Variants in SCAPER observed in about 807,000 individuals in gnomAD.
SCAPER encodes the protein S-phase cyclin A associated protein in the ER.
In SCAPER, 98 loss-of-function variants were observed where a neutral mutation model predicts 182.2. The ratio of observed to expected loss-of-function variants is 0.54; its 90% CI spans 0.46 to 0.64. The LOEUF is 0.64. SCAPER is among the 30% of genes least tolerant of loss of function. The probability of loss-of-function intolerance (pLI) is 0.00; values close to 1 mark genes in which losing one functional copy is unlikely to be tolerated. For missense variants in SCAPER, 1,432 were observed against 1,690.0 expected (o/e 0.85, Z 2.68); for synonymous variants, 605 against 564.6 (o/e 1.07, Z -1.01).
At chr15:76,778,558 G>A (rs529312200) in intron 8 of SCAPER, among the ~76,000 whole-genome samples, 2 of 152,050 alleles carry the variant, frequency 1.3e-5, no homozygotes, top group South Asian at 2.1e-4. Flanking sequence ...TACCTTAAAT[G>A]TAAATGTTCT....
intron 22 of SCAPER, among the ~76,000 whole-genome samples, chr15:76,574,544 C>G (rs990219021): frequency 6.6e-6 from 1 of 152,030 alleles, no homozygotes; most frequent in East Asian, 1.9e-4. Context: ...GCAATTGATG[C>G]CTTTAGTTTC....
chr15:76,899,652 C>A (rs2074644478), intron 1 of SCAPER, among the ~76,000 whole-genome samples: 1 of 152,096 alleles, frequency 6.6e-6, no homozygotes, highest in Non-Finnish European at 1.5e-5. Context: ...GCCCCTCTGC[C>A]TGGCCGCCCC....
intron 20 of SCAPER, among the ~76,000 whole-genome samples, chr15:76,673,859 A>G (rs1226193932): frequency 6.6e-6 from 1 of 152,062 alleles, no homozygotes; most frequent in Non-Finnish European, 1.5e-5. Context: ...CTCACTGAAC[A>G]AAAGATGGCA....
intron 26 of SCAPER, among the ~76,000 whole-genome samples, chr15:76,429,227 C>G (rs1212058957): frequency 1.3e-5 from 2 of 152,018 alleles, no homozygotes; most frequent in African/African-American, 4.8e-5. Flanking sequence ...ACCTCTTTTT[C>G]TTTCCAGTCT....
Position 76,351,243 on chromosome 15 carries a change from G to A in SCAPER, c.4093C>T (p.Pro1365Ser), listed in dbSNP as rs2141625036. The A allele has an allele frequency of 6.2e-7, 1 of 1,609,840 alleles. No individual in the cohort carries two copies. The highest frequency in any genetic ancestry group is 1.1e-5 in the South Asian group (1 of 89,908). The change falls in exon 31 of 32, where the codon CCC (proline) becomes TCC (serine). Residue 1365 changes from proline (P) to serine (S), a missense_variant. Pro to Ser is a moderately conservative substitution (Grantham distance 74). Coordinates refer to ENST00000563290, the MANE Select transcript of SCAPER (RefSeq NM_020843.4). ...AATTTCAATAGAGACATACCTTTGG[G>A]TTGGTAAGGCTGGTTTTCCGCTTGA... Reference protein sequence around the residue: ...PGQAENQPYQPKGKCLGSQDY... With the variant: ...PGQAENQPYQSKGKCLGSQDY...
intron 20 of SCAPER, among the ~76,000 whole-genome samples, chr15:76,695,630 T>C (rs1472724038): frequency 6.6e-6 from 1 of 151,916 alleles, no homozygotes; most frequent in East Asian, 1.9e-4. Context: ...AAAAACTGTT[T>C]AATTAAATAT....
chr15:76,472,249 T>C (rs2050243194), intron 24 of SCAPER: 7 of 556,196 alleles, frequency 1.3e-5, no homozygotes, highest in Non-Finnish European at 2.1e-5. Flanking sequence ...AGAGAGGAGG[T>C]ACCCAAAAAG....
Position 76,516,632 on chromosome 15 carries a change from G to A in SCAPER, c.2839-11658C>T, listed in dbSNP as rs1283490880. ...TCTATCATTGATGGACATTTGGGTT[G>A]GTTCCAAGTCTTTGGTATTGTGAAT... On this transcript the variant is annotated intron_variant, in intron 23 of 31. Transcript: ENST00000563290. 2.6e-5 allele frequency among the ~76,000 whole-genome samples: 4 copies of A among 152,106 alleles called. No individual in the cohort carries two copies. In the East Asian group the frequency reaches 7.7e-4, roughly 29 times the overall value.
At chr15:76,485,254 A>G (rs1162795238) in intron 24 of SCAPER, among the ~76,000 whole-genome samples, 1 of 152,196 alleles carries the variant, frequency 6.6e-6, no homozygotes, top group Non-Finnish European at 1.5e-5. Context: ...TCAAGCTAAG[A>G]GCCAAATCAG....
intron 26 of SCAPER, 24 bp from the exon 27 acceptor site, chr15:76,404,703 G>A (rs779408793): frequency 1.2e-6 from 2 of 1,603,260 alleles, no homozygotes; most frequent in Non-Finnish European, 8.5e-7. Flanking sequence ...AGAAATGCAT[G>A]TTATCAATCT....
At chr15:76,536,924 C>G (rs1299687316) in intron 23 of SCAPER, among the ~76,000 whole-genome samples, 1 of 151,394 alleles carries the variant, frequency 6.6e-6, no homozygotes, top group Non-Finnish European at 1.5e-5. Flanking sequence ...ACACCAATAA[C>G]AGACAAACAG....
At chr15:76,671,270 C>T (rs1481968241) in intron 20 of SCAPER, among the ~76,000 whole-genome samples, 1 of 151,984 alleles carries the variant, frequency 6.6e-6, no homozygotes, top group Non-Finnish European at 1.5e-5. Flanking sequence ...GAAGTTGAGG[C>T]AACAGTGAGC....
Position 76,743,896 on chromosome 15 carries a change from A to C in SCAPER, c.1866+9912T>G, listed in dbSNP as rs1002163457. ...ATTACCCGACTTCCAACTATGCCAC[A>C]AGGCTACAGTAAACAAAACAGCATG... On this transcript the variant is annotated intron_variant, in intron 15 of 31. Transcript: ENST00000563290. Among the ~76,000 whole-genome samples the C allele has an allele frequency of 5.3e-5, 8 of 152,202 alleles. No homozygotes were observed. In the South Asian group the frequency reaches 1.7e-3, roughly 31 times the overall value.
intron 25 of SCAPER, among the ~76,000 whole-genome samples, chr15:76,459,543 G>GTCTT (rs2048994614): frequency 6.9e-6 from 1 of 143,996 alleles, no homozygotes; most frequent in African/African-American, 2.5e-5. Context: ...AATTATTAGG[G>GTCTT]TTTTTTTTTT....
intron 2 of SCAPER, among the ~76,000 whole-genome samples, chr15:76,873,172 A>G (rs536151814): frequency 2.0e-5 from 3 of 151,920 alleles, no homozygotes; most frequent in East Asian, 1.9e-4. Context: ...GATTACCTGA[A>G]ACCAGGAGTT....
rs543219917 is a variant in SCAPER at position 76,424,373 on chromosome 15, C to T, written c.3311+9705G>A. ...AATTGATCCCTTTACCATTATGTAA[C>T]GGCCTTCTTTGTCTCTTTTGATCTT... On this transcript the variant is annotated intron_variant, in intron 26 of 31. Coordinates refer to ENST00000563290, the MANE Select transcript of SCAPER (RefSeq NM_020843.4). 1.3e-3 allele frequency among the ~76,000 whole-genome samples: 191 copies of T among 152,184 alleles called. 3 individuals are homozygous for T. The highest frequency in any genetic ancestry group is 3.9e-3 in the African/African-American group (164 of 41,542).
intron 22 of SCAPER, among the ~76,000 whole-genome samples, chr15:76,612,179 A>C (rs1358370590): frequency 6.6e-6 from 1 of 152,194 alleles, no homozygotes. Flanking sequence ...AGATAACATG[A>C]TCCTGTATTT....
intron 20 of SCAPER, among the ~76,000 whole-genome samples, chr15:76,683,668 C>T (rs2057863713): frequency 6.6e-6 from 1 of 151,954 alleles, no homozygotes; most frequent in African/African-American, 2.4e-5. Flanking sequence ...AAAGAAGGCA[C>T]AGATCACTTA....
chr15:76,679,307 T>C (rs981526390), intron 20 of SCAPER, among the ~76,000 whole-genome samples: 1 of 152,128 alleles, frequency 6.6e-6, no homozygotes, highest in Admixed American at 6.6e-5. Context: ...GCTCAAGAAA[T>C]GCTTTTAAAA....
Sources: allele counts gnomAD v4.1 joint callset (sites outside exome capture counted in the v4.1 genomes callset), GRCh38; gene constraint gnomAD v4.1.1; transcripts MANE v1.5; gene names NCBI Gene and HGNC (gene_info 2026-07-23, HGNC 2026-07-21).